DNASE1: variants seen among roughly 807,000 people sequenced by gnomAD.
DNASE1 encodes the protein deoxyribonuclease 1, also known as deoxyribonuclease-1.
In DNASE1, 40 loss-of-function variants were observed where a neutral mutation model predicts 33.9. That is an observed-to-expected ratio of 1.18 (90% CI 0.92 to 1.54). The LOEUF (loss-of-function observed/expected upper bound fraction) is 1.54, where lower values mean the gene tolerates loss of function less well. DNASE1 is among the 40% of genes most tolerant of loss of function. DNASE1 has a pLI of 0.00. For missense variants in DNASE1, 518 were observed against 372.6 expected (o/e 1.39, Z -3.21); for synonymous variants, 216 against 160.0 (o/e 1.35, Z -2.64).
At chr16:3,663,800 G>A (rs983223359) in exon 10 of DNASE1, 49 of 545,916 alleles carry the variant, frequency 9.0e-5, no homozygotes, top group Non-Finnish European at 1.3e-4. Flanking sequence ...GTGGCTGAGT[G>A]CAGTGGCTCA....
At chr16:3,621,118 G>C (rs994863351) in intron 1 of DNASE1, among the ~76,000 whole-genome samples, 97 of 151,968 alleles carry the variant, frequency 6.4e-4, no homozygotes, top group African/African-American at 2.2e-3. Context: ...TTTTTTTAGA[G>C]ACAGGGTTTT....
chr16:3,647,200 C>G (rs1280288167), intron 1 of DNASE1, among the ~76,000 whole-genome samples: 5 of 151,080 alleles, frequency 3.3e-5, no homozygotes, highest in Non-Finnish European at 7.4e-5. Context: ...GATGTTGGAT[C>G]ACATCTGGCA....
intron 1 of DNASE1, among the ~76,000 whole-genome samples, chr16:3,620,254 T>C (rs746947528): frequency 2.6e-5 from 4 of 152,192 alleles, no homozygotes; most frequent in Non-Finnish European, 4.4e-5. Flanking sequence ...ACATGTCATA[T>C]TTACCACATT....
At chr16:3,614,733 G>A (rs1262127761) in intron 1 of DNASE1, among the ~76,000 whole-genome samples, 1 of 152,190 alleles carries the variant, frequency 6.6e-6, no homozygotes, top group Non-Finnish European at 1.5e-5. Flanking sequence ...GGGAGAGGCA[G>A]TCTCCCTGCC....
intron 1 of DNASE1, among the ~76,000 whole-genome samples, chr16:3,644,847 G>C (rs188816469): frequency 4.6e-4 from 70 of 152,090 alleles, no homozygotes; most frequent in African/African-American, 1.7e-3. Flanking sequence ...TACATAGTGG[G>C]GCTTGGCATG....
exon 10 of DNASE1, chr16:3,663,439 C>G: frequency 1.2e-6 from 2 of 1,614,172 alleles, no homozygotes; most frequent in Non-Finnish European, 1.7e-6. Context: ...GACCTGTCCT[C>G]AAACTTCTCC....
downstream of DNASE1, chr16:3,658,717 G>T: frequency 1.5e-6 from 2 of 1,368,934 alleles, no homozygotes; most frequent in Non-Finnish European, 2.0e-6. Flanking sequence ...AGAGGAAACC[G>T]CTGTTCCACC....
At chr16:3,655,283 C>T (rs931488260) in intron 1 of DNASE1, 90 bp from the exon 2 acceptor site, 23 of 1,571,666 alleles carry the variant, frequency 1.5e-5, no homozygotes, top group Non-Finnish European at 1.9e-5. Flanking sequence ...GCTCCACCAG[C>T]CCCTGCCAGC....
chr16:3,662,961 T>A (rs2043170080), downstream of DNASE1: 2 of 1,609,746 alleles, frequency 1.2e-6, no homozygotes, highest in South Asian at 2.2e-5. Flanking sequence ...TGATAGGCAC[T>A]CGGCGGCTGC....
At chr16:3,616,835 T>G (rs962064255) in intron 1 of DNASE1, among the ~76,000 whole-genome samples, 2 of 152,082 alleles carry the variant, frequency 1.3e-5, no homozygotes, top group African/African-American at 4.8e-5. Context: ...AGTCTAGAAA[T>G]AAACCCTTAT....
At chr16:3,619,989 C>T (rs1395575773) in intron 1 of DNASE1, among the ~76,000 whole-genome samples, 1 of 149,848 alleles carries the variant, frequency 6.7e-6, no homozygotes, top group African/African-American at 2.5e-5. Context: ...AATCTCGCCT[C>T]ACTGCAACCC....
At chr16:3,660,734 A>G (rs973491641), downstream of DNASE1, 2 of 152,168 alleles carry the variant, frequency 1.3e-5, no homozygotes, top group Non-Finnish European at 2.9e-5. Flanking sequence ...TAAAATGACA[A>G]AAGAAAAAAA....
chr16:3,637,123 C>CAAAAAAAAAA (rs55645773), intron 1 of DNASE1, among the ~76,000 whole-genome samples: 7 of 144,382 alleles, frequency 4.8e-5, no homozygotes, highest in African/African-American at 1.8e-4. Context: ...GACTCCATCT[C>CAAAAAAAAAA]AAAAAAAAAA....
chr16:3,622,880 T>G (rs112456279), intron 1 of DNASE1, among the ~76,000 whole-genome samples: 14 of 152,232 alleles, frequency 9.2e-5, no homozygotes, highest in African/African-American at 3.4e-4. Context: ...TAATGATGCC[T>G]TGTAATGAAC....
chr16:3,640,473 G>C (rs755279617), upstream of DNASE1, among the ~76,000 whole-genome samples: 3 of 152,224 alleles, frequency 2.0e-5, no homozygotes, highest in Non-Finnish European at 4.4e-5. Context: ...TGCAGTCATA[G>C]GATGTGCTCT....
upstream of DNASE1, chr16:3,640,792 C>T (rs1187112120): frequency 2.5e-6 from 1 of 398,494 alleles, no homozygotes; most frequent in Non-Finnish European, 4.4e-6. Context: ...TAGTGGCCTC[C>T]CCAGCAAGTT....
exon 10 of DNASE1, chr16:3,664,383 G>C: frequency 1.2e-6 from 2 of 1,612,714 alleles, no homozygotes; most frequent in Admixed American, 1.7e-5. Context: ...CATGCGGCTG[G>C]CGTATTCTGA....
chr16:3,664,665 GGAAGCACCTCCTGC>G, exon 10 of DNASE1: 1 of 568,624 alleles, frequency 1.8e-6, no homozygotes, highest in Non-Finnish European at 3.0e-6. Context: ...TGGGGGCTTA[GGAAGCACCTCCTGC>G]CCCAGGTGGC....
chr16:3,615,285 A>G (rs1051387163), intron 1 of DNASE1, among the ~76,000 whole-genome samples: 6 of 152,190 alleles, frequency 3.9e-5, no homozygotes, highest in African/African-American at 1.2e-4. Context: ...CCAATTATAC[A>G]TAATTCCTCC....
Sources: gnomAD v4.1 joint callset for allele counts (sites outside exome capture counted in the v4.1 genomes callset) on GRCh38, gnomAD v4.1.1 for gene constraint, MANE v1.5 for transcripts, NCBI Gene and HGNC (gene_info 2026-07-23, HGNC 2026-07-21) for gene names.